WDR35: variants seen among roughly 807,000 people sequenced by gnomAD.
WDR35 encodes WD repeat domain 35, also known as WD repeat-containing protein 35.
WDR35 carries 118 observed loss-of-function variants against 158.3 expected under a neutral mutation model. That is an observed-to-expected ratio of 0.75 (90% CI 0.64 to 0.87). The LOEUF is 0.87. Among genes scored for constraint, WDR35 ranks in the 40% least tolerant of loss-of-function variants. The pLI is 0.00. For synonymous variants in WDR35, 448 were observed against 476.1 expected, an observed-to-expected ratio of 0.94 and a Z score of 0.77; for missense variants, 1,263 against 1,405.8, an observed-to-expected ratio of 0.90 and a Z score of 1.62.
chr2:19,974,330 A>AC lies in WDR35; in HGVS notation c.736+137dup, dbSNP rs1325980251. 4 of 800,266 alleles carry AC rather than the reference A, an allele frequency of 5.0e-6. 1 individual carries two copies. The South Asian group carries it at 7.9e-5, about 16-fold the overall frequency. 49.6% of individuals were successfully genotyped at this position (800,266 alleles called of 1,614,324 possible). A position where few individuals can be genotyped will look rare whatever the true frequency, so the allele number is the denominator to read the frequency against. On this transcript the variant is annotated intron_variant, in intron 7 of 26. Coordinates refer to ENST00000281405, the MANE Select transcript of WDR35 (RefSeq NM_020779.4). ...AGGCTGAGGCAGGAAATTCGCTTGAACCCGGGAGGCAGAAGTTGCCGTGAG... is the reference window on the plus strand; with the variant it reads ...AGGCTGAGGCAGGAAATTCGCTTGAACCCCGGGAGGCAGAAGTTGCCGTGAG...
chr2:19,941,659 G>A (rs1670880259), intron 17 of WDR35, 100 bp downstream of exon 17: 3 of 847,016 alleles, frequency 3.5e-6, no homozygotes, highest in Non-Finnish European at 3.8e-6. Context: ...AGATATATCT[G>A]ACTCCTGGGT....
At chr2:19,951,531 A>C in intron 12 of WDR35, 47 bp from the exon 13 acceptor site, 2 of 1,415,040 alleles carry the variant, frequency 1.4e-6, no homozygotes, top group Non-Finnish European at 2.0e-6. Flanking sequence ...TATAGTTTAT[A>C]CTATTTCATA....
At chr2:19,921,405 G>T (rs186054541) in intron 25 of WDR35, among the ~76,000 whole-genome samples, 35 of 152,206 alleles carry the variant, frequency 2.3e-4, no homozygotes, top group African/African-American at 7.9e-4. Flanking sequence ...ACAGAATAGA[G>T]GCCTCAGAAA....
At chr2:19,929,587 A>G (rs1670464793) in intron 25 of WDR35, among the ~76,000 whole-genome samples, 1 of 152,226 alleles carries the variant, frequency 6.6e-6, no homozygotes, top group Non-Finnish European at 1.5e-5. Context: ...TGTTATTGTT[A>G]AGAAGAAATT....
At chr2:19,947,873 C>T (rs186581247) in intron 14 of WDR35, among the ~76,000 whole-genome samples, 110 of 152,134 alleles carry the variant, frequency 7.2e-4, no homozygotes, top group African/African-American at 2.2e-3. Context: ...TAATTATTAG[C>T]GAGGAAAGCT....
chr2:19,958,218 T>C (rs965109048), intron 11 of WDR35, among the ~76,000 whole-genome samples: 1 of 152,240 alleles, frequency 6.6e-6, no homozygotes, highest in African/African-American at 2.4e-5. Flanking sequence ...GGCTGCAGCA[T>C]AGGCAAACTG....
chr2:19,964,063 T>C lies in WDR35; in HGVS notation c.1194+2661A>G, dbSNP rs186957011. On this transcript the variant is annotated intron_variant, in intron 10 of 26. Transcript: ENST00000281405. ...TTGACTTACAGCTATGGAATTCTAG[T>C]TGGAAAACTATCCCTGCAAATTTTG... 4.5e-3 allele frequency among the ~76,000 whole-genome samples: 691 copies of C among 152,280 alleles called. 1 individual carries two copies. The highest frequency in any genetic ancestry group is 7.9e-3 in the Non-Finnish European group (537 of 68,014).
In WDR35 at chr2:19,916,011, G is replaced by T. The variant is rs570022385; in HGVS notation, c.3122-1734C>A. Among the ~76,000 whole-genome samples, 5 of 151,806 alleles carry T rather than the reference G, an allele frequency of 3.3e-5. No homozygotes were observed. In the South Asian group the frequency reaches 1.0e-3, roughly 32 times the overall value. On this transcript the variant is annotated intron_variant, in intron 25 of 26. Coordinates refer to ENST00000281405, the MANE Select transcript of WDR35 (RefSeq NM_020779.4). ...TGCAGCTCCCAGCAAGATTGACGCA[G>T]AAGGTGGGTGATTTCCGCATTTCCA...
intron 11 of WDR35, among the ~76,000 whole-genome samples, chr2:19,960,258 T>A (rs1018970687): frequency 9.9e-5 from 15 of 152,142 alleles, no homozygotes; most frequent in Admixed American, 6.5e-4. Flanking sequence ...ACAATTATAT[T>A]TCCCATTTAA....
chr2:19,958,064 A>T (rs1462528693), intron 11 of WDR35, among the ~76,000 whole-genome samples: 1 of 152,188 alleles, frequency 6.6e-6, no homozygotes, highest in Non-Finnish European at 1.5e-5. Flanking sequence ...CCATTTATTC[A>T]TTTCTCAGCC....
intron 3 of WDR35, among the ~76,000 whole-genome samples, chr2:19,982,171 T>G (rs1315137526): frequency 6.6e-6 from 1 of 152,182 alleles, no homozygotes; most frequent in Non-Finnish European, 1.5e-5. Flanking sequence ...ATTCAACATT[T>G]TAGTATAAAA....
intron 4 of WDR35, among the ~76,000 whole-genome samples, chr2:19,980,453 G>T (rs930766082): frequency 1.3e-5 from 2 of 151,872 alleles, no homozygotes; most frequent in African/African-American, 4.8e-5. Context: ...AAGAGTCTAA[G>T]TTCATTTTGG....
chr2:19,979,305 C>T (rs576395300), intron 4 of WDR35, among the ~76,000 whole-genome samples: 1 of 152,202 alleles, frequency 6.6e-6, no homozygotes, highest in Admixed American at 6.5e-5. Context: ...TACATATGCA[C>T]ATAAACTCTC....
In WDR35 at chr2:19,947,812, C is replaced by T. The variant is rs146224775; in HGVS notation, c.1524+352G>A. ...AAACTGTAAGTGTACTCTGTCTTCTCGGCTGGTCATCCCTGTACTGCTTTC... is the reference window on the plus strand; with the variant it reads ...AAACTGTAAGTGTACTCTGTCTTCTTGGCTGGTCATCCCTGTACTGCTTTC... On this transcript the variant is annotated intron_variant, in intron 14 of 26. Coordinates refer to ENST00000281405, the MANE Select transcript of WDR35 (RefSeq NM_020779.4). Among the ~76,000 whole-genome samples the T allele has an allele frequency of 1.9e-4, 29 of 152,256 alleles. No homozygotes were observed. In the East Asian group the frequency reaches 5.2e-3, roughly 27 times the overall value.
chr2:19,920,859 G>A (rs1360046663), intron 25 of WDR35, among the ~76,000 whole-genome samples: 2 of 152,188 alleles, frequency 1.3e-5, no homozygotes. Context: ...ATCTCCTTAA[G>A]CTGATAAGTA....
chr2:19,989,239 T>A lies in WDR35; in HGVS notation c.68A>T (p.Asn23Ile). Reference protein sequence around the residue: ...NNVKLQCVSWNKEQGFIACGG... With the variant: ...NNVKLQCVSWIKEQGFIACGG... ...GCATGCTATGAACCCTTGTTCCTTG[T>A]TCCAGGATACACACTGCAGCTTCAC... is the stretch of plus-strand genomic sequence containing the variant. Residue 23 changes from asparagine to isoleucine, a missense_variant, in exon 2 of 27, where the codon AAC becomes ATC. Physicochemically the swap from Asn to Ile is moderately radical, Grantham distance 149. Coordinates refer to ENST00000281405, the MANE Select transcript of WDR35 (RefSeq NM_020779.4). 1 of 1,614,206 alleles carries A rather than the reference T, an allele frequency of 6.2e-7. No homozygotes were observed.
chr2:19,913,598 T>G lies in WDR35; in HGVS notation c.3473A>C (p.His1158Pro). The G allele has an allele frequency of 6.2e-7, 1 of 1,614,144 alleles. No homozygotes were observed. Among genetic ancestry groups the G allele is most frequent in the Non-Finnish European group, 8.5e-7 (1 of 1,179,984 alleles). The change falls in exon 27 of 27, where the codon CAC becomes CCC. Residue 1158 changes from histidine (H) to proline (P), a missense_variant. Transcript: ENST00000281405. ...KHGVLAQEISHYSFCPLCHSP... is the reference protein window; with the variant it reads ...KHGVLAQEISPYSFCPLCHSP... ...ATGGCATAAGGGGCAGAAGCTGTAG[T>G]GGCTTATTTCCTGAGCAAGGACACC...
intron 25 of WDR35, among the ~76,000 whole-genome samples, chr2:19,919,997 C>T (rs184657222): frequency 2.0e-3 from 299 of 152,234 alleles, no homozygotes; most frequent in African/African-American, 6.6e-3. Flanking sequence ...TGGATAAATT[C>T]CTGGACACAT....
intron 2 of WDR35, among the ~76,000 whole-genome samples, chr2:19,984,526 A>C (rs372633056): frequency 6.6e-6 from 1 of 152,264 alleles, no homozygotes; most frequent in Non-Finnish European, 1.5e-5. Flanking sequence ...TAATCGAAGA[A>C]GTCACCAATA....
Sources: allele counts gnomAD v4.1 joint callset (sites outside exome capture counted in the v4.1 genomes callset), GRCh38; gene constraint gnomAD v4.1.1; transcripts MANE v1.5; gene names NCBI Gene and HGNC (gene_info 2026-07-23, HGNC 2026-07-21).